ZRANB3: variants seen among roughly 807,000 people sequenced by gnomAD.
The protein encoded by ZRANB3 is DNA annealing helicase and endonuclease ZRANB3.
In ZRANB3, 125 loss-of-function variants were observed where a neutral mutation model predicts 133.8. That is an observed-to-expected ratio of 0.93 (90% CI 0.81 to 1.08). ZRANB3 has a LOEUF of 1.08. ZRANB3 is among the 50% of genes least tolerant of loss of function. The pLI is 0.00. For missense variants in ZRANB3, 1,229 were observed against 1,275.5 expected, an observed-to-expected ratio of 0.96 and a Z score of 0.56; for synonymous variants, 387 against 432.7, an observed-to-expected ratio of 0.89 and a Z score of 1.31.
intron 2 of ZRANB3, among the ~76,000 whole-genome samples, chr2:135,414,902 C>T (rs1165095157): frequency 6.6e-6 from 1 of 151,970 alleles, no homozygotes; most frequent in Admixed American, 6.6e-5. Context: ...TTCTTTGAAA[C>T]CAACGGGAAC....
chr2:135,454,393 A>G (rs571069273), intron 2 of ZRANB3, among the ~76,000 whole-genome samples: 1 of 152,200 alleles, frequency 6.6e-6, no homozygotes, highest in Admixed American at 6.5e-5. Context: ...TTATTAATTT[A>G]TTGGGTCTCT....
At chr2:135,269,937 G>A (rs1043418760) in intron 10 of ZRANB3, among the ~76,000 whole-genome samples, 1 of 152,128 alleles carries the variant, frequency 6.6e-6, no homozygotes, top group Non-Finnish European at 1.5e-5. Context: ...AATCAATGCT[G>A]TTTGTTGTTC....
Position 135,413,408 on chromosome 2 carries a change from T to A in ZRANB3, c.162-22588A>T, listed in dbSNP as rs867818275. On this transcript the variant is annotated intron_variant, in intron 2 of 20. Transcript: ENST00000264159. ...AAACCAGGTTTTAAGGCCAATCACA[T>A]TTCCTTCAGTTTATAATGGCTACAT... Among the ~76,000 whole-genome samples, 4 of 152,322 alleles carry A rather than the reference T, an allele frequency of 2.6e-5. No individual in the cohort carries two copies. The South Asian group carries it at 8.3e-4, about 32-fold the overall frequency.
intron 3 of ZRANB3, among the ~76,000 whole-genome samples, chr2:135,385,567 A>G (rs1424164841): frequency 6.6e-6 from 1 of 152,202 alleles, no homozygotes; most frequent in Non-Finnish European, 1.5e-5. Flanking sequence ...TGGAAGCATC[A>G]TGCTACCTGG....
At chr2:135,491,097 C>A (rs1045480283) in intron 2 of ZRANB3, among the ~76,000 whole-genome samples, 3 of 152,008 alleles carry the variant, frequency 2.0e-5, no homozygotes. Flanking sequence ...CTACAGTTAG[C>A]GTTAATCTAT....
chr2:135,453,088 G>C (rs1252988340), intron 2 of ZRANB3, among the ~76,000 whole-genome samples: 1 of 152,220 alleles, frequency 6.6e-6, no homozygotes, highest in Non-Finnish European at 1.5e-5. Context: ...CTCAATTCTT[G>C]ATTTCTGTGC....
intron 2 of ZRANB3, among the ~76,000 whole-genome samples, chr2:135,451,822 T>A (rs1047710066): frequency 1.3e-5 from 2 of 152,200 alleles, no homozygotes; most frequent in African/African-American, 4.8e-5. Context: ...GTTTGAGATA[T>A]GTGACGCACA....
intron 2 of ZRANB3, among the ~76,000 whole-genome samples, chr2:135,403,880 C>T (rs2104943097): frequency 6.6e-6 from 1 of 152,360 alleles, no homozygotes; most frequent in Non-Finnish European, 1.5e-5. Context: ...AACAGACCTG[C>T]AGCTGAGGGT....
chr2:135,297,683 T>A lies in ZRANB3; in HGVS notation c.966+15806A>T, dbSNP rs1404817196. 2.0e-5 allele frequency among the ~76,000 whole-genome samples: 3 copies of A among 152,344 alleles called. No individual in the cohort carries two copies. In the East Asian group the frequency reaches 5.8e-4, roughly 29 times the overall value. On this transcript the variant is annotated intron_variant, in intron 8 of 20. Transcript: ENST00000264159. ...TCTGCATCGCTCACGCTGGGAGCTG[T>A]AGACTGGAGCTGTTCCTATTCAGCC...
chr2:135,454,805 A>G (rs1451240833), intron 2 of ZRANB3, among the ~76,000 whole-genome samples: 2 of 152,142 alleles, frequency 1.3e-5, no homozygotes, highest in African/African-American at 4.8e-5. Context: ...TCCATGGTAT[A>G]TACATACCAC....
At chr2:135,227,605 T>G (rs573484033) in intron 14 of ZRANB3, among the ~76,000 whole-genome samples, 4 of 152,350 alleles carry the variant, frequency 2.6e-5, no homozygotes, top group Non-Finnish European at 5.9e-5. Flanking sequence ...GGTTTTGCTC[T>G]ATGTGTAATG....
chr2:135,339,132 C>T (rs1684511435), intron 6 of ZRANB3, among the ~76,000 whole-genome samples: 1 of 152,092 alleles, frequency 6.6e-6, no homozygotes, highest in Admixed American at 6.5e-5. Context: ...TTTTTAATTG[C>T]CAGGTGTGGT....
rs893737573 is a variant in ZRANB3 at position 135,518,976 on chromosome 2, C to T, written c.-8+12151G>A. ...GGAGCTGATTGTTGGACAGGGGAAA[C>T]TGTTTCTGTCCCTCAGATTAGGTGA... On this transcript the variant is annotated intron_variant, in intron 1 of 20. Coordinates refer to ENST00000264159, the MANE Select transcript of ZRANB3 (RefSeq NM_032143.4). 8.1e-4 allele frequency among the ~76,000 whole-genome samples: 124 copies of T among 152,264 alleles called. 1 individual carries two copies. Among genetic ancestry groups the T allele is most frequent in the African/African-American group, 2.6e-3 (110 of 41,564 alleles).
chr2:135,273,784 G>A (rs562798524), intron 9 of ZRANB3, among the ~76,000 whole-genome samples: 2 of 152,124 alleles, frequency 1.3e-5, no homozygotes, highest in South Asian at 2.1e-4. Context: ...TGATCTGCCC[G>A]CCTCGGCCTC....
chr2:135,441,698 C>T (rs1689786869), intron 2 of ZRANB3, among the ~76,000 whole-genome samples: 1 of 151,720 alleles, frequency 6.6e-6, no homozygotes, highest in Non-Finnish European at 1.5e-5. Flanking sequence ...CTATATTTTA[C>T]CAGAATTAAG....
At chr2:135,328,649 C>T (rs762495347) in intron 6 of ZRANB3, among the ~76,000 whole-genome samples, 1 of 152,204 alleles carries the variant, frequency 6.6e-6, no homozygotes, top group Non-Finnish European at 1.5e-5. Flanking sequence ...CTGTCTTCCA[C>T]AATGGTTGAA....
At chr2:135,435,762 T>C (rs1689505833) in intron 2 of ZRANB3, among the ~76,000 whole-genome samples, 1 of 152,228 alleles carries the variant, frequency 6.6e-6, no homozygotes. Context: ...AGTTTTTATA[T>C]GCTTGTTGGC....
intron 3 of ZRANB3, among the ~76,000 whole-genome samples, chr2:135,377,584 T>C (rs1686485002): frequency 1.3e-5 from 2 of 152,138 alleles, no homozygotes; most frequent in Admixed American, 1.3e-4. Context: ...GGTTCCCAAT[T>C]GCCAAAGCTG....
At chr2:135,457,728 A>G (rs1211759353) in intron 2 of ZRANB3, among the ~76,000 whole-genome samples, 1 of 151,622 alleles carries the variant, frequency 6.6e-6, no homozygotes. Context: ...TTTATTGATG[A>G]TGCCCGTCTA....
Sources: gnomAD v4.1 joint callset for allele counts (sites outside exome capture counted in the v4.1 genomes callset) on GRCh38, gnomAD v4.1.1 for gene constraint, MANE v1.5 for transcripts, NCBI Gene and HGNC (gene_info 2026-07-23, HGNC 2026-07-21) for gene names.